Variants in SSBP2 observed in about 807,000 individuals in gnomAD.
SSBP2 encodes single stranded DNA binding protein 2, also known as single-stranded DNA-binding protein 2.
In SSBP2, 17 loss-of-function variants were observed where a neutral mutation model predicts 61.8. The ratio of observed to expected loss-of-function variants is 0.28; its 90% CI spans 0.19 to 0.41. The LOEUF is 0.41. Ranked by LOEUF, SSBP2 falls within the 10% of genes least tolerant of loss-of-function variation. The probability of loss-of-function intolerance (pLI) is 1.00; values close to 1 mark genes in which losing one functional copy is unlikely to be tolerated. For synonymous variants in SSBP2, 139 were observed against 141.3 expected (o/e 0.98, Z 0.12); for missense variants, 310 against 458.7 (o/e 0.68, Z 2.96).
At chr5:81,579,103 T>C (rs1774453359) in intron 4 of SSBP2, among the ~76,000 whole-genome samples, 1 of 152,012 alleles carries the variant, frequency 6.6e-6, no homozygotes, top group South Asian at 2.1e-4. Flanking sequence ...AGGCAAAAGA[T>C]AGTTTGGAAG....
At chr5:81,695,965 T>C (rs7710001) in intron 1 of SSBP2, among the ~76,000 whole-genome samples, 5,523 of 152,288 alleles carry the variant, frequency 0.036, 144 homozygotes, top group African/African-American at 0.078. Context: ...ATGTGCTCTA[T>C]AGACATTCAA....
At chr5:81,641,578 TGA>T (rs1748790549) in intron 2 of SSBP2, among the ~76,000 whole-genome samples, 1 of 152,158 alleles carries the variant, frequency 6.6e-6, no homozygotes, top group African/African-American at 2.4e-5. Context: ...GTTTACACAG[TGA>T]ATATTGCTAA....
At chr5:81,550,653 T>C (rs1254079193) in intron 4 of SSBP2, among the ~76,000 whole-genome samples, 1 of 152,214 alleles carries the variant, frequency 6.6e-6, no homozygotes, top group Admixed American at 6.5e-5. Context: ...AATCACAACA[T>C]GTCAACAACT....
intron 5 of SSBP2, among the ~76,000 whole-genome samples, chr5:81,490,388 T>C (rs1766769314): frequency 6.6e-6 from 1 of 152,110 alleles, no homozygotes; most frequent in Non-Finnish European, 1.5e-5. Flanking sequence ...AAAATTATAA[T>C]TTTGTTTAAT....
rs927576510 is a variant in SSBP2 at position 81,562,672 on chromosome 5, A to C, written c.283-48955T>G. Among the ~76,000 whole-genome samples, 7 of 152,356 alleles carry C rather than the reference A, an allele frequency of 4.6e-5. No homozygotes were observed. In the South Asian group the frequency reaches 1.4e-3, roughly 32 times the overall value. On this transcript the variant is annotated intron_variant, in intron 4 of 16. Coordinates refer to ENST00000320672, the MANE Select transcript of SSBP2 (RefSeq NM_012446.5). ...ACATCATTATCTACATATAAACTCC[A>C]AAGAAAGTTTATTAAAAAGCAGACA...
At chr5:81,534,671 G>C (rs1164508346) in intron 4 of SSBP2, among the ~76,000 whole-genome samples, 1 of 151,762 alleles carries the variant, frequency 6.6e-6, no homozygotes, top group South Asian at 2.1e-4. Context: ...AAAGTCAAGA[G>C]AAAAAAGACT....
chr5:81,617,957 A>C (rs1196508338), intron 3 of SSBP2, among the ~76,000 whole-genome samples: 1 of 137,256 alleles, frequency 7.3e-6, no homozygotes, highest in African/African-American at 2.7e-5. Context: ...AGCAAGCGCT[A>C]AACATGGAAA....
chr5:81,532,971 C>A (rs1201683692), intron 4 of SSBP2, among the ~76,000 whole-genome samples: 1 of 151,836 alleles, frequency 6.6e-6, no homozygotes, highest in African/African-American at 2.4e-5. Context: ...CTCTCAACAA[C>A]CGATAGTAGA....
chr5:81,678,411 C>G (rs1487819586), intron 1 of SSBP2, among the ~76,000 whole-genome samples: 1 of 151,846 alleles, frequency 6.6e-6, no homozygotes, highest in Admixed American at 6.6e-5. Flanking sequence ...AACAGAATAT[C>G]CAAGAACTGT....
chr5:81,714,610 G>A (rs976506790), intron 1 of SSBP2, among the ~76,000 whole-genome samples: 30 of 152,278 alleles, frequency 2.0e-4, no homozygotes, highest in African/African-American at 7.2e-4. Context: ...GCATGAGATG[G>A]TATCTCATTG....
intron 4 of SSBP2, among the ~76,000 whole-genome samples, chr5:81,558,795 T>A (rs1313208612): frequency 1.3e-5 from 2 of 152,238 alleles, no homozygotes; most frequent in African/African-American, 4.8e-5. Context: ...GACAAATTAA[T>A]TGTCAAAGCA....
At chr5:81,567,754 A>AACC (rs1156238718) in intron 4 of SSBP2, among the ~76,000 whole-genome samples, 2 of 152,222 alleles carry the variant, frequency 1.3e-5, no homozygotes, top group Non-Finnish European at 2.9e-5. Flanking sequence ...AGATCATGGG[A>AACC]ACCCACCTCT....
chr5:81,561,656 C>T (rs1773049747), intron 4 of SSBP2, among the ~76,000 whole-genome samples: 1 of 151,668 alleles, frequency 6.6e-6, no homozygotes, highest in South Asian at 2.1e-4. Context: ...TTCAGTGACC[C>T]TATATTACTT....
At chr5:81,501,566 T>TC (rs1465403091) in intron 5 of SSBP2, among the ~76,000 whole-genome samples, 8 of 140,406 alleles carry the variant, frequency 5.7e-5, no homozygotes, top group Non-Finnish European at 9.4e-5. Flanking sequence ...TTCTTTTCTT[T>TC]TTTTTTTTTT....
At chr5:81,535,277 A>G (rs1251828032) in intron 4 of SSBP2, among the ~76,000 whole-genome samples, 2 of 152,138 alleles carry the variant, frequency 1.3e-5, no homozygotes. Context: ...AAGAAATCAA[A>G]GAACTAAATA....
chr5:81,530,480 TTGA>T (rs769461778), intron 4 of SSBP2, among the ~76,000 whole-genome samples: 7 of 152,064 alleles, frequency 4.6e-5, no homozygotes, highest in Non-Finnish European at 1.0e-4. Context: ...CATCATCTTG[TTGA>T]TGATTGTTAC....
At chr5:81,695,494 C>T (rs1753533728) in intron 1 of SSBP2, among the ~76,000 whole-genome samples, 1 of 113,584 alleles carries the variant, frequency 8.8e-6, no homozygotes, top group Admixed American at 1.1e-4. Flanking sequence ...TGCTATCCCT[C>T]CCCCCTCCCC....
At chr5:81,615,390 T>G (rs564111705) in intron 4 of SSBP2, 83 bp downstream of exon 4, 3 of 990,034 alleles carry the variant, frequency 3.0e-6, no homozygotes, top group African/African-American at 1.6e-5. Context: ...AACAAAAGAA[T>G]AGATGAGCCA....
chr5:81,445,221 A>G (rs1763331751), intron 12 of SSBP2, among the ~76,000 whole-genome samples: 1 of 137,826 alleles, frequency 7.3e-6, no homozygotes, highest in Admixed American at 7.5e-5. Context: ...GTACAGAAAA[A>G]CTTTACAATA....
Sources: gnomAD v4.1 joint callset for allele counts (sites outside exome capture counted in the v4.1 genomes callset) on GRCh38, gnomAD v4.1.1 for gene constraint, MANE v1.5 for transcripts, NCBI Gene and HGNC (gene_info 2026-07-23, HGNC 2026-07-21) for gene names.